The following KMT2D variants were observed in gnomAD, a reference collection of about 807,000 sequenced individuals.
The protein encoded by KMT2D is lysine methyltransferase 2D, also known as histone-lysine N-methyltransferase 2D.
In KMT2D, 55 loss-of-function variants were observed where a neutral mutation model predicts 512.7. The observed-to-expected ratio is 0.11, with a 90% CI of 0.09 to 0.13. KMT2D has a LOEUF of 0.13. Ranked by LOEUF, KMT2D falls within the 10% of genes least tolerant of loss-of-function variation. The pLI is 1.00. For synonymous variants in KMT2D, 2,995 were observed against 2,904.0 expected (o/e 1.03, Z -1.01); for missense variants, 6,061 against 7,127.9 (o/e 0.85, Z 5.39).
Position 49,033,232 on chromosome 12 carries a change from T to C in KMT2D, c.11473A>G (p.Arg3825Gly). The stretch of plus-strand genomic sequence containing the variant: ...CGGGACTGGGTCATAAGCACCTGTC[T>C]GTGAGGGCCCTGGGGGCCCAAAGCT... ...PGALGPQGPH[R>G]QVLMTQSRVL... Residue 3825 changes from arginine (R) to glycine (G), a missense_variant, in exon 40 of 55, where the codon AGA becomes GGA. Transcript: ENST00000301067. 6.4e-7 allele frequency: 1 copy of C among 1,552,444 alleles called. No homozygotes were observed. The highest frequency in any genetic ancestry group is 8.7e-7 in the Non-Finnish European group (1 of 1,147,502).
At chr12:49,027,379 C>G (rs1942655098) in intron 48 of KMT2D, 57 bp from the exon 49 acceptor site, 1 of 1,395,024 alleles carries the variant, frequency 7.2e-7, no homozygotes, top group South Asian at 1.4e-5. Flanking sequence ...TAGCTCCCTC[C>G]TTCCCCTCAC....
intron 12 of KMT2D, 64 bp from the exon 13 acceptor site, chr12:49,049,282 T>C: frequency 9.8e-7 from 1 of 1,022,612 alleles, no homozygotes; most frequent in South Asian, 1.5e-5. Flanking sequence ...GTTTACACAC[T>C]TGAACAGAAG....
rs2120555855 is a variant in KMT2D, at chr12:49,042,519, GACA to G, written c.5867+39_5867+41del. The stretch of plus-strand genomic sequence containing the variant: ...AGCATGAACTCAGATGGAGGGAAAG[GACA>G]ACGAGGACTGCCCACAAAGGTTACG... On this transcript the variant is annotated intron_variant, in intron 28 of 54. Coordinates refer to ENST00000301067, the MANE Select transcript of KMT2D (RefSeq NM_003482.4). This position sits in a 1 kb window ranked among gnomAD's most constrained non-coding sequence, Gnocchi z 4.4. 5 of 1,595,258 alleles carry G rather than the reference GACA, an allele frequency of 3.1e-6. No homozygotes were observed. The highest frequency in any genetic ancestry group is 1.7e-5 in the Admixed American group (1 of 57,828).
Position 49,052,249 on chromosome 12 carries a change from T to C in KMT2D, c.1434A>G (p.Pro478=), listed in dbSNP as rs770225131. Residue 478 remains proline (P), a synonymous_variant, in exon 11 of 55, where the codon CCA becomes CCG. Coordinates refer to ENST00000301067, the MANE Select transcript of KMT2D (RefSeq NM_003482.4). Reference sequence around the variant, plus strand: ...GGGACAGGTGCAATGCCTCAGGAAGTGGGGATGCGGGCAATTCCTCAGGTG... The same window carrying C: ...GGGACAGGTGCAATGCCTCAGGAAGCGGGGATGCGGGCAATTCCTCAGGTG... ...SPPPEELPAS[P]LPEALHLSRP... 3 of 1,605,978 alleles carry C rather than the reference T, an allele frequency of 1.9e-6. No homozygotes were observed. In the Admixed American group the frequency reaches 5.1e-5, roughly 27 times the overall value.
At chr12:49,052,754 AAC>A in intron 9 of KMT2D, 45 bp from the exon 10 acceptor site, 1 of 1,604,524 alleles carries the variant, frequency 6.2e-7, no homozygotes, top group Non-Finnish European at 8.5e-7. Context: ...CTCACCAGCT[AAC>A]AAATCCTAGA....
At chr12:49,029,376 T>C in intron 44 of KMT2D, 25 bp downstream of exon 44, 2 of 1,555,928 alleles carry the variant, frequency 1.3e-6, no homozygotes, top group Non-Finnish European at 8.7e-7. Context: ...TTGTTCCTCA[T>C]CCCCATTTCT....
rs994032704 is a variant in KMT2D at position 49,032,836 on chromosome 12, G to C, written c.11869C>G (p.Gln3957Glu). ...TGCTGCTGTTGTTGTTGCTGTTGCT[G>C]TTGTAGCTGCTGTTGCTGCTGTTGA... ...QLQQQQQQLQ[Q>E]QQQQQQQQFQ... Residue 3957 changes from glutamine to glutamate, a missense_variant, in exon 40 of 55, where the codon CAG becomes GAG. Gln to Glu is a conservative substitution (Grantham distance 29). Transcript: ENST00000301067. 1 of 1,550,578 alleles carries C rather than the reference G, an allele frequency of 6.4e-7. No individual in the cohort carries two copies. Among genetic ancestry groups the C allele is most frequent in the Non-Finnish European group, 8.7e-7 (1 of 1,146,990 alleles).
Position 49,033,677 on chromosome 12 carries a change from A to T in KMT2D, c.11028T>A (p.Ala3676=), listed in dbSNP as rs368440711. ...GQPGGPFLNT[A]LAQQQQQQHS... The stretch of plus-strand genomic sequence containing the variant: ...GTTGCTGTTGCTGCTGTTGGGCCAG[A>T]GCTGTATTAAGGAAGGGGCCACCAG... The change falls in exon 40 of 55, where the codon GCT becomes GCA. Residue 3676 remains alanine, a synonymous_variant. Coordinates refer to ENST00000301067, the MANE Select transcript of KMT2D (RefSeq NM_003482.4). 1.2e-5 allele frequency: 19 copies of T among 1,613,434 alleles called. No individual in the cohort carries two copies. The highest frequency in any genetic ancestry group is 1.6e-5 in the Non-Finnish European group (19 of 1,179,832).
intron 15 of KMT2D, among the ~76,000 whole-genome samples, chr12:49,047,360 G>C (rs533545272): frequency 6.8e-6 from 1 of 147,814 alleles, no homozygotes; most frequent in Non-Finnish European, 1.5e-5. Context: ...CACTAGCCAA[G>C]CCCCTAAAAA....
Position 49,026,990 on chromosome 12 carries a change from C to T in KMT2D, c.14976G>A (p.Leu4992=), listed in dbSNP as rs2120365721. ...CACTGCCCTTCTGGATGGTCAGCAG[C>T]AGCCGAAGCCGCTTCCAGCGCACTC... The part of the protein sequence containing the change: ...WKGVRWKRLR[L]LLTIQKGSGR... The change falls in exon 49 of 55, where the codon CTG becomes CTA. Residue 4992 remains leucine, a synonymous_variant. Transcript: ENST00000301067. This position sits in a 1 kb window ranked among gnomAD's most constrained non-coding sequence, Gnocchi z 9.6. The T allele has an allele frequency of 6.2e-7, 1 of 1,614,038 alleles. No homozygotes were observed. The highest frequency in any genetic ancestry group is 1.7e-5 in the Admixed American group (1 of 60,030).
intron 46 of KMT2D, 77 bp from the exon 47 acceptor site, chr12:49,028,218 G>C: frequency 6.3e-7 from 1 of 1,578,240 alleles, no homozygotes; most frequent in Admixed American, 1.8e-5. Flanking sequence ...AGCTGGGTGG[G>C]GACAAGGACA....
At position 49,019,994 on chromosome 12, in the gene KMT2D, GC is replaced by G. The variant is rs1942229202; in HGVS notation, c.*1785del. The G allele has an allele frequency of 4.6e-6, 1 of 216,868 alleles. No homozygotes were observed. Among genetic ancestry groups the G allele is most frequent in the African/African-American group, 2.3e-5 (1 of 44,202 alleles). 13.4% of individuals were successfully genotyped at this position (216,868 alleles called of 1,614,324 possible). A position where few individuals can be genotyped will look rare whatever the true frequency, so the allele number is the denominator to read the frequency against. On this transcript the variant is annotated 3_prime_UTR_variant, in exon 55 of 55. Transcript: ENST00000301067. The stretch of plus-strand genomic sequence containing the variant: ...AATTACAAAATGCCCTTTGCCCACA[GC>G]CCCTAGAAGAGAACTGCATATAAGC...
In KMT2D at chr12:49,027,834, C is replaced by G. The variant is rs1942681438; in HGVS notation, c.14612G>C (p.Ser4871Thr). 6.3e-7 allele frequency: 1 copy of G among 1,588,198 alleles called. No individual in the cohort carries two copies. Among genetic ancestry groups the G allele is most frequent in the Non-Finnish European group, 8.6e-7 (1 of 1,167,254 alleles). The change falls in exon 48 of 55, where the codon AGC becomes ACC. Residue 4871 changes from serine (S) to threonine (T), a missense_variant. Around this residue, in one of 16 missense-constraint regions of KMT2D, gnomAD observed 1,600 missense variants for 1,754.9 expected, o/e 0.91. Coordinates refer to ENST00000301067, the MANE Select transcript of KMT2D (RefSeq NM_003482.4). ...CAGGAGGCTCAAGATGTCTAGTTGG[C>G]TCTTCAGGGTATAGCCAGGCAACAC... is the stretch of plus-strand genomic sequence containing the variant. The part of the protein sequence containing the change: ...DAVLPGYTLK[S>T]QLDILSLLKQ...
rs780108221 is a variant in KMT2D at position 49,051,920 on chromosome 12, G to A, written c.1763C>T (p.Ser588Leu). The A allele has an allele frequency of 1.9e-6, 3 of 1,613,506 alleles. No individual in the cohort carries two copies. The change falls in exon 11 of 55, where the codon TCA becomes TTA. Residue 588 changes from serine to leucine, a missense_variant. By Grantham distance (145) the Ser-to-Leu change is moderately radical. Coordinates refer to ENST00000301067, the MANE Select transcript of KMT2D (RefSeq NM_003482.4). ...TGCCTCCGGTGGTGGAGACATGGGTGACTCTTCAGGTGGAGGGGACATGGG... is the reference window on the plus strand; with the variant it reads ...TGCCTCCGGTGGTGGAGACATGGGTAACTCTTCAGGTGGAGGGGACATGGG... ...ESPMSPPPEE[S>L]PMSPPPEASR...
chr12:49,040,446 G>A lies in KMT2D; in HGVS notation c.7324C>T (p.Pro2442Ser), dbSNP rs775065016. The A allele has an allele frequency of 5.3e-5, 82 of 1,557,946 alleles. No homozygotes were observed. Among genetic ancestry groups the A allele is most frequent in the Non-Finnish European group, 6.9e-5 (79 of 1,151,292 alleles). ...TAAGGGTCAGGGGACTGGAAGCGAG[G>A]GGTAACGGGTGATGGGCAAAAAGCT... Reference protein sequence around the residue: ...AEAFCPSPVTPRFQSPDPYSR... With the variant: ...AEAFCPSPVTSRFQSPDPYSR... The change falls in exon 32 of 55, where the codon CCT becomes TCT. Residue 2442 changes from proline to serine, a missense_variant. Physicochemically the swap from Pro to Ser is moderately conservative, Grantham distance 74. Coordinates refer to ENST00000301067, the MANE Select transcript of KMT2D (RefSeq NM_003482.4).
rs1942486523 is a variant in KMT2D, at chr12:49,024,656, G to A, written c.15974C>T (p.Pro5325Leu). The change falls in exon 51 of 55, where the codon CCC (proline) becomes CTC (leucine). Residue 5325 changes from proline (P) to leucine (L), a missense_variant. Pro to Leu is a moderately conservative substitution (Grantham distance 98). Transcript: ENST00000301067. The surrounding 1 kb of genome is among the most constrained non-coding windows in gnomAD (Gnocchi z 4.5). ...GATCATGAGTGGCAGCTCCATAAGG[G>A]GGTGGCGCCCATAGCGGAATAAATA... is the stretch of plus-strand genomic sequence containing the variant. Reference protein sequence around the residue: ...QNYLFRYGRHPLMELPLMINP... With the variant: ...QNYLFRYGRHLLMELPLMINP... 1 of 1,613,894 alleles carries A rather than the reference G, an allele frequency of 6.2e-7. No individual in the cohort carries two copies. The highest frequency in any genetic ancestry group is 1.1e-5 in the South Asian group (1 of 91,064).
intron 1 of KMT2D, among the ~76,000 whole-genome samples, chr12:49,057,694 T>C (rs920669601): frequency 2.0e-5 from 3 of 152,184 alleles, no homozygotes. Flanking sequence ...TGATTCCCAG[T>C]TAATAGGCCC....
Position 49,042,977 on chromosome 12 carries a change from C to G in KMT2D, c.5644+99G>C, listed in dbSNP as rs551644736. 36 of 1,570,342 alleles carry G rather than the reference C, an allele frequency of 2.3e-5. No homozygotes were observed. The East Asian group carries it at 7.2e-4, about 31-fold the overall frequency. On this transcript the variant is annotated intron_variant, in intron 26 of 54. Coordinates refer to ENST00000301067, the MANE Select transcript of KMT2D (RefSeq NM_003482.4). This position sits in a 1 kb window ranked among gnomAD's most constrained non-coding sequence, Gnocchi z 4.4. Reference sequence around the variant, plus strand: ...TGGCCAGGAACAGTCCAGGACTCCCCACCAGAGAAGCTGTACAGATCACAG... The same window carrying G: ...TGGCCAGGAACAGTCCAGGACTCCCGACCAGAGAAGCTGTACAGATCACAG...
At position 49,043,873 on chromosome 12, in the gene KMT2D, A is replaced by G. The variant is rs2120574498; in HGVS notation, c.5314T>C (p.Leu1772=). 3.7e-6 allele frequency: 6 copies of G among 1,614,064 alleles called. No individual in the cohort carries two copies. Among genetic ancestry groups the G allele is most frequent in the Non-Finnish European group, 5.1e-6 (6 of 1,179,896 alleles). Residue 1772 remains leucine (L), a synonymous_variant, in exon 23 of 55, where the codon TTG becomes CTG. Coordinates refer to ENST00000301067, the MANE Select transcript of KMT2D (RefSeq NM_003482.4). ...GCTTGGAGCCTGAGACCCACCTGCA[A>G]GTAAGCAGGGAACATGTCCTCCAGT... ...SKLEDMFPAY[L]QEAFFGKELL... is the part of the protein sequence containing the mutation.
Sources: gnomAD v4.1 joint callset for allele counts (sites outside exome capture counted in the v4.1 genomes callset) on GRCh38, gnomAD v4.1.1 for gene constraint, gnomAD v4.1.1 regional missense constraint, Gnocchi (gnomAD v3.1) non-coding constraint, MANE v1.5 for transcripts, NCBI Gene and HGNC (gene_info 2026-07-23, HGNC 2026-07-21) for gene names.